The following FOXN3 variants were observed in gnomAD, a reference collection of about 807,000 sequenced individuals.
FOXN3 encodes forkhead box N3, also known as forkhead box protein N3.
Under a neutral mutation model 38.4 loss-of-function variants are expected in FOXN3, and 7 were observed. That is an observed-to-expected ratio of 0.18 (90% CI 0.10 to 0.34). The LOEUF (loss-of-function observed/expected upper bound fraction) is 0.34, where lower values mean the gene tolerates loss of function less well. Ranked by LOEUF, FOXN3 falls within the 10% of genes least tolerant of loss-of-function variation. The pLI, the probability that FOXN3 is intolerant of heterozygous loss-of-function variation, is 1.00. For missense variants in FOXN3, 456 were observed against 613.4 expected (o/e 0.74, Z 2.71); for synonymous variants, 230 against 242.2 (o/e 0.95, Z 0.47).
chr14:89,285,725 A>T (rs1193187505), intron 3 of FOXN3, among the ~76,000 whole-genome samples: 3 of 151,942 alleles, frequency 2.0e-5, no homozygotes, highest in Non-Finnish European at 4.4e-5. Flanking sequence ...AGGGAGTTTA[A>T]TCGGTACAGA....
At chr14:89,308,421 C>A (rs1230153372) in intron 3 of FOXN3, among the ~76,000 whole-genome samples, 1 of 152,258 alleles carries the variant, frequency 6.6e-6, no homozygotes, top group Non-Finnish European at 1.5e-5. Flanking sequence ...CAGATGCACG[C>A]ACTTGCTGTG....
At chr14:89,409,889 T>C (rs1350977210) in intron 2 of FOXN3, among the ~76,000 whole-genome samples, 1 of 152,168 alleles carries the variant, frequency 6.6e-6, no homozygotes, top group Non-Finnish European at 1.5e-5. Flanking sequence ...AAGAGCTTCA[T>C]GGTCAAGGAA....
In FOXN3 at chr14:89,350,413, T is replaced by C. The variant is rs144262893; in HGVS notation, c.680+259A>G. 406 of 317,464 alleles carry C rather than the reference T, an allele frequency of 1.3e-3. 2 individuals are homozygous for C. Among genetic ancestry groups the C allele is most frequent in the African/African-American group, 7.9e-3 (369 of 47,002 alleles). 19.7% of individuals were successfully genotyped at this position (317,464 alleles called of 1,614,324 possible). A position where few individuals can be genotyped will look rare whatever the true frequency, so the allele number is the denominator to read the frequency against. ...TGTGAAAGCTGTCGACTTTTCTTTG[T>C]AAATGTTTCTACCCAGGAAGACATG... On this transcript the variant is annotated intron_variant, in intron 3 of 5. Transcript: ENST00000557258.
chr14:89,459,183 G>GA (rs573645456), intron 1 of FOXN3, among the ~76,000 whole-genome samples: 9 of 151,364 alleles, frequency 5.9e-5, no homozygotes, highest in South Asian at 4.2e-4. Flanking sequence ...AAAAAAAGGG[G>GA]AAAAAAAACA....
At chr14:89,513,558 A>G (rs1307955960) in intron 1 of FOXN3, among the ~76,000 whole-genome samples, 4 of 151,516 alleles carry the variant, frequency 2.6e-5, no homozygotes, top group African/African-American at 9.7e-5. Flanking sequence ...TGTGTTTCCA[A>G]TACTACCATT....
chr14:89,451,284 G>C (rs1328513361), intron 1 of FOXN3, among the ~76,000 whole-genome samples: 2 of 152,128 alleles, frequency 1.3e-5, no homozygotes, highest in African/African-American at 4.8e-5. Flanking sequence ...TCCAGCCTTG[G>C]GGGACATCCA....
At chr14:89,355,361 G>A (rs1317706266) in intron 2 of FOXN3, 4 of 151,676 alleles carry the variant, frequency 2.6e-5, no homozygotes, top group African/African-American at 9.7e-5. Flanking sequence ...CCGAGAGGCT[G>A]GGATTACAGG....
At chr14:89,388,860 C>T (rs1174133237) in intron 2 of FOXN3, among the ~76,000 whole-genome samples, 1 of 151,958 alleles carries the variant, frequency 6.6e-6, no homozygotes, top group Admixed American at 6.6e-5. Flanking sequence ...GGAGACGAGG[C>T]TGCTACCAGT....
intron 2 of FOXN3, among the ~76,000 whole-genome samples, chr14:89,397,111 T>C (rs1891119410): frequency 6.6e-6 from 1 of 152,094 alleles, no homozygotes; most frequent in Non-Finnish European, 1.5e-5. Context: ...GCCATAAACA[T>C]AAATGAGATC....
intron 1 of FOXN3, among the ~76,000 whole-genome samples, chr14:89,446,835 A>G (rs1892511048): frequency 6.6e-6 from 1 of 152,230 alleles, no homozygotes; most frequent in Non-Finnish European, 1.5e-5. Flanking sequence ...GTTTTCCACT[A>G]TTATGAACAA....
chr14:89,593,875 G>A (rs1299750294), intron 1 of FOXN3, among the ~76,000 whole-genome samples: 1 of 152,158 alleles, frequency 6.6e-6, no homozygotes, highest in East Asian at 1.9e-4. Context: ...CCAAAATGCT[G>A]GGATTAAAGG....
chr14:89,308,516 A>AGATACCTGGT (rs1250724339), intron 3 of FOXN3, among the ~76,000 whole-genome samples: 1 of 152,172 alleles, frequency 6.6e-6, no homozygotes, highest in Non-Finnish European at 1.5e-5. Flanking sequence ...CTGTGAATGA[A>AGATACCTGGT]GATACCTGGT....
intron 3 of FOXN3, among the ~76,000 whole-genome samples, chr14:89,337,065 G>A (rs1888482519): frequency 6.6e-6 from 1 of 152,128 alleles, no homozygotes; most frequent in Non-Finnish European, 1.5e-5. Flanking sequence ...TCAGGGAGGG[G>A]GAGGTGCCCA....
chr14:89,314,364 T>C (rs1887661914), intron 3 of FOXN3, among the ~76,000 whole-genome samples: 1 of 151,816 alleles, frequency 6.6e-6, no homozygotes, highest in African/African-American at 2.4e-5. Context: ...CATTCAGGAG[T>C]GTGGGTCTTT....
intron 4 of FOXN3, among the ~76,000 whole-genome samples, chr14:89,209,318 G>T (rs7157969): frequency 4.6e-5 from 7 of 151,974 alleles, no homozygotes; most frequent in African/African-American, 1.7e-4. Context: ...TCCCCAATAG[G>T]TATTCAATAA....
At chr14:89,511,215 C>CCTTCT (rs1566681097) in intron 1 of FOXN3, among the ~76,000 whole-genome samples, 1 of 8,710 alleles carries the variant, frequency 1.1e-4, no homozygotes, top group African/African-American at 1.6e-4. Flanking sequence ...TTCTTTCTTT[C>CCTTCT]TTTCTTTCTT....
rs1171104996 is a variant in FOXN3, at chr14:89,439,827, T to G, written c.-14-27337A>C. 3.1e-5 allele frequency among the ~76,000 whole-genome samples: 4 copies of G among 129,636 alleles called. 1 individual carries two copies. The highest frequency in any genetic ancestry group is 1.2e-4 in the African/African-American group (4 of 32,836). The allele number at this position is 129,636 out of a possible 152,430, so 85.0% of individuals were successfully genotyped here. On this transcript the variant is annotated intron_variant, in intron 1 of 6. Coordinates refer to the FOXN3 transcript ENST00000345097. ...CCCGCCACCACGCCCGGCTAATTTT[T>G]TGTATTTTAGTAGAGACGGGGTTTC... is the stretch of plus-strand genomic sequence containing the variant.
chr14:89,163,092 GC>G lies in FOXN3; in HGVS notation c.852-124del. ...CATCAGTCCCTTTGTGTTCAATGGA[GC>G]CACTCGCAAACTGTGGGGGCAACAG... On this transcript the variant is annotated intron_variant, in intron 5 of 5. Transcript: ENST00000557258. The surrounding 1 kb of genome is among the most constrained non-coding windows in gnomAD (Gnocchi z 4.3). 1 of 905,524 alleles carries G rather than the reference GC, an allele frequency of 1.1e-6. No individual in the cohort carries two copies. The highest frequency in any genetic ancestry group is 1.6e-6 in the Non-Finnish European group (1 of 638,494). The allele number at this position is 905,524 out of a possible 1,614,324, so 56.1% of individuals were successfully genotyped here.
chr14:89,291,470 ACACC>A, intron 3 of FOXN3: 2 of 605,524 alleles, frequency 3.3e-6, no homozygotes. Flanking sequence ...GGAGGGTGCC[ACACC>A]TCCACAGACA....
Sources: allele counts gnomAD v4.1 joint callset (sites outside exome capture counted in the v4.1 genomes callset), GRCh38; gene constraint gnomAD v4.1.1; non-coding constraint Gnocchi (gnomAD v3.1); transcripts MANE v1.5; gene names NCBI Gene and HGNC (gene_info 2026-07-23, HGNC 2026-07-21).